The following CADM2 variants were observed in gnomAD, a reference collection of about 807,000 sequenced individuals.
CADM2 encodes immunoglobulin superfamily member 4D.
CADM2 carries 12 observed loss-of-function variants against 49.8 expected under a neutral mutation model. That is an observed-to-expected ratio of 0.24 (90% CI 0.15 to 0.39). CADM2 has a LOEUF of 0.39. Ranked by LOEUF, CADM2 falls within the 10% of genes least tolerant of loss-of-function variation. The pLI is 1.00. For synonymous variants in CADM2, 214 were observed against 175.4 expected (o/e 1.22, Z -1.74); for missense variants, 378 against 492.3 (o/e 0.77, Z 2.20).
At chr3:85,476,920 A>G (rs1039616162) in intron 1 of CADM2, among the ~76,000 whole-genome samples, 11 of 151,248 alleles carry the variant, frequency 7.3e-5, no homozygotes, top group African/African-American at 2.7e-4. Flanking sequence ...ACACACACAC[A>G]CACACACAGA....
At chr3:85,457,750 T>G (rs990316398) in intron 1 of CADM2, among the ~76,000 whole-genome samples, 1 of 152,180 alleles carries the variant, frequency 6.6e-6, no homozygotes. Context: ...ACTATAATAT[T>G]AAAGATTATA....
chr3:85,171,364 T>A (rs185330601), intron 1 of CADM2, among the ~76,000 whole-genome samples: 21 of 152,330 alleles, frequency 1.4e-4, no homozygotes, highest in Admixed American at 2.0e-4. Flanking sequence ...TCTTTACATG[T>A]GTTATATCTT....
chr3:85,524,395 C>A (rs1027698454), intron 1 of CADM2, among the ~76,000 whole-genome samples: 2 of 151,966 alleles, frequency 1.3e-5, no homozygotes, highest in African/African-American at 4.8e-5. Context: ...CATTGTGACA[C>A]CTTGTTTTTC....
intron 1 of CADM2, among the ~76,000 whole-genome samples, chr3:85,559,399 T>G (rs1213534270): frequency 2.0e-5 from 3 of 152,012 alleles, no homozygotes; most frequent in Non-Finnish European, 4.4e-5. Flanking sequence ...ATGGAAATAG[T>G]CAGGCTAGCT....
chr3:84,959,063 TGCC>T lies in CADM2; in HGVS notation c.-536_-534del. On this transcript the variant is annotated 5_prime_UTR_variant, in exon 1 of 10. Transcript: ENST00000383699. ...AGCCGGAGCATCCGGGAGCCGCCAC[TGCC>T]GCCGCCGCTGCCGCTGCTACCGCCA... The T allele has an allele frequency of 3.0e-5, 6 of 200,582 alleles. No homozygotes were observed. The highest frequency in any genetic ancestry group is 6.6e-5 in the South Asian group (1 of 15,066). 12.4% of individuals were successfully genotyped at this position (200,582 alleles called of 1,614,324 possible). A position where few individuals can be genotyped will look rare whatever the true frequency, so the allele number is the denominator to read the frequency against.
intron 1 of CADM2, among the ~76,000 whole-genome samples, chr3:85,530,341 T>TGAGACTGAGTCTCAC (rs2061273492): frequency 8.4e-6 from 1 of 118,550 alleles, no homozygotes; most frequent in African/African-American, 2.9e-5. Context: ...TTTTTTTTTT[T>TGAGACTGAGTCTCAC]TTTTTTTGAG....
At chr3:85,771,170 T>G (rs1197895463) in intron 2 of CADM2, among the ~76,000 whole-genome samples, 1 of 152,154 alleles carries the variant, frequency 6.6e-6, no homozygotes, top group Non-Finnish European at 1.5e-5. Flanking sequence ...ACCATAAGTG[T>G]TGTGTTTAGT....
chr3:85,634,418 T>C (rs2064398859), intron 1 of CADM2, among the ~76,000 whole-genome samples: 1 of 152,194 alleles, frequency 6.6e-6, no homozygotes, highest in South Asian at 2.1e-4. Flanking sequence ...GAGCTTATTT[T>C]CTTTTTGTAC....
intron 1 of CADM2, among the ~76,000 whole-genome samples, chr3:85,724,096 A>G (rs1324497358): frequency 6.6e-6 from 1 of 151,990 alleles, no homozygotes; most frequent in Non-Finnish European, 1.5e-5. Context: ...AAAATCCACT[A>G]ACATTTTACC....
chr3:85,261,652 A>G (rs1003239331), intron 1 of CADM2, among the ~76,000 whole-genome samples: 1 of 152,118 alleles, frequency 6.6e-6, no homozygotes, highest in Non-Finnish European at 1.5e-5. Context: ...TATTAAATCT[A>G]GTAGTTCATT....
intron 2 of CADM2, among the ~76,000 whole-genome samples, chr3:85,742,089 T>C (rs1316362304): frequency 1.3e-5 from 2 of 152,236 alleles, no homozygotes; most frequent in African/African-American, 4.8e-5. Context: ...CTAACGCTTA[T>C]GGTCACATTA....
chr3:85,648,080 A>G (rs1187181585), intron 1 of CADM2, among the ~76,000 whole-genome samples: 2 of 151,894 alleles, frequency 1.3e-5, no homozygotes, highest in Non-Finnish European at 2.9e-5. Context: ...TCTAAACTTT[A>G]ATACAGATTT....
intron 1 of CADM2, among the ~76,000 whole-genome samples, chr3:84,974,725 G>A (rs2031698756): frequency 6.6e-6 from 1 of 151,774 alleles, no homozygotes; most frequent in South Asian, 2.1e-4. Context: ...CAGTATTTTT[G>A]TACAGTAGAT....
chr3:85,451,892 C>T (rs946233177), intron 1 of CADM2, among the ~76,000 whole-genome samples: 1 of 152,058 alleles, frequency 6.6e-6, no homozygotes, highest in Admixed American at 6.5e-5. Context: ...GATATGGAAG[C>T]ATTTATTTAG....
chr3:85,398,159 C>T (rs893173169), intron 1 of CADM2, among the ~76,000 whole-genome samples: 2 of 151,604 alleles, frequency 1.3e-5, no homozygotes, highest in African/African-American at 4.8e-5. Flanking sequence ...CTCCCCCCTT[C>T]CCCCACCCCA....
Position 85,678,698 on chromosome 3 carries a change from G to C in CADM2, c.62-47824G>C, listed in dbSNP as rs535538146. 2.7e-3 allele frequency among the ~76,000 whole-genome samples: 412 copies of C among 152,226 alleles called. 1 individual carries two copies. Among genetic ancestry groups the C allele is most frequent in the Non-Finnish European group, 4.5e-3 (307 of 68,010 alleles). Reference sequence around the variant, plus strand: ...TCATAAAAATCTATGAAATGGCAACGTAATATTGGCAAACACAAATTAACA... The same window carrying C: ...TCATAAAAATCTATGAAATGGCAACCTAATATTGGCAAACACAAATTAACA... On this transcript the variant is annotated intron_variant, in intron 1 of 9. Coordinates refer to ENST00000383699, the MANE Select transcript of CADM2 (RefSeq NM_001167675.2).
At chr3:85,250,585 G>T (rs1385304495) in intron 1 of CADM2, among the ~76,000 whole-genome samples, 1 of 151,462 alleles carries the variant, frequency 6.6e-6, no homozygotes, top group African/African-American at 2.4e-5. Context: ...TATATAGTCA[G>T]TGAATAAAAG....
At chr3:85,646,629 A>G (rs1413960738) in intron 1 of CADM2, among the ~76,000 whole-genome samples, 1 of 151,924 alleles carries the variant, frequency 6.6e-6, no homozygotes, top group East Asian at 1.9e-4. Context: ...AGTCTTGAGG[A>G]CCCAAAGAAA....
chr3:85,926,236 G>A (rs1436598913), intron 6 of CADM2, among the ~76,000 whole-genome samples: 2 of 151,980 alleles, frequency 1.3e-5, no homozygotes, highest in African/African-American at 2.4e-5. Flanking sequence ...TTGACATTTT[G>A]GGCAAGAGAA....
Sources: allele counts gnomAD v4.1 joint callset (sites outside exome capture counted in the v4.1 genomes callset), GRCh38; gene constraint gnomAD v4.1.1; transcripts MANE v1.5; gene names NCBI Gene and HGNC (gene_info 2026-07-23, HGNC 2026-07-21).